Variants in ASTN1 observed in about 807,000 individuals in gnomAD.
The protein encoded by ASTN1 is astrotactin-1.
Under a neutral mutation model 140.7 loss-of-function variants are expected in ASTN1, and 41 were observed. The observed-to-expected ratio is 0.29, with a 90% CI of 0.23 to 0.38. The LOEUF is 0.38. Among genes scored for constraint, ASTN1 ranks in the 10% least tolerant of loss-of-function variants. The pLI is 1.00. For missense variants in ASTN1, 1,479 were observed against 1,678.8 expected (o/e 0.88, Z 2.08); for synonymous variants, 640 against 652.2 (o/e 0.98, Z 0.29).
rs368628468 is a variant in ASTN1, at chr1:176,946,048, T to C, written c.2127A>G (p.Gly709=). 6.2e-7 allele frequency: 1 copy of C among 1,613,910 alleles called. No homozygotes were observed. Among genetic ancestry groups the C allele is most frequent in the Non-Finnish European group, 8.5e-7 (1 of 1,179,980 alleles). The change falls in exon 13 of 23, where the codon GGA becomes GGG. Residue 709 remains glycine (G), a synonymous_variant. Transcript: ENST00000361833. ...CQLITETCPE[G]SDCGESRELP... ...GCTCCCTGCTTTCCCCACAGTCACTTCCCTCTGGACAGGTCTCCGTGATGA... is the reference window on the plus strand; with the variant it reads ...GCTCCCTGCTTTCCCCACAGTCACTCCCCTCTGGACAGGTCTCCGTGATGA...
rs774743981 is a variant in ASTN1 at position 177,030,876 on chromosome 1, G to T, written c.942C>A (p.Asn314Lys). 2 of 1,614,188 alleles carry T rather than the reference G, an allele frequency of 1.2e-6. No homozygotes were observed. Among genetic ancestry groups the T allele is most frequent in the Non-Finnish European group, 1.7e-6 (2 of 1,180,034 alleles). The change falls in exon 4 of 23, where the codon AAC becomes AAA. Residue 314 changes from asparagine to lysine, a missense_variant. Asn to Lys is a moderately conservative substitution (Grantham distance 94). Transcript: ENST00000361833. ...GAGAGAGAAGGGTGGCTTGCTGGTGGTTGGAGTCCACAGGGCTAGTGGCTA... is the reference window on the plus strand; with the variant it reads ...GAGAGAGAAGGGTGGCTTGCTGGTGTTTGGAGTCCACAGGGCTAGTGGCTA... ...NIIATSPVDSNHQQATLLSHT... is the reference protein window; with the variant it reads ...NIIATSPVDSKHQQATLLSHT...
intron 1 of ASTN1, among the ~76,000 whole-genome samples, chr1:177,147,785 G>A (rs1558129162): frequency 6.6e-6 from 1 of 152,288 alleles, no homozygotes; most frequent in East Asian, 1.9e-4. Context: ...TTGGTCCAAG[G>A]AAGAGTAGGC....
At chr1:176,935,689 A>C (rs1256349711) in intron 15 of ASTN1, among the ~76,000 whole-genome samples, 1 of 152,130 alleles carries the variant, frequency 6.6e-6, no homozygotes, top group Non-Finnish European at 1.5e-5. Context: ...AACCCTAAGT[A>C]AGTTTAGAAC....
At chr1:177,148,094 C>T (rs924706784) in intron 1 of ASTN1, among the ~76,000 whole-genome samples, 1 of 152,166 alleles carries the variant, frequency 6.6e-6, no homozygotes, top group Non-Finnish European at 1.5e-5. Context: ...TTATCATTTA[C>T]ATCACTTTTT....
rs182885038 is a variant in ASTN1, at chr1:177,145,133, C to T, written c.283+19261G>A. Reference sequence around the variant, plus strand: ...CTCAGATTCCTTTAACCTGCAACCTCAGAAAAATCAACTTTCAGCTCCGTT... The same window carrying T: ...CTCAGATTCCTTTAACCTGCAACCTTAGAAAAATCAACTTTCAGCTCCGTT... On this transcript the variant is annotated intron_variant, in intron 1 of 22. Transcript: ENST00000361833. Among the ~76,000 whole-genome samples the T allele has an allele frequency of 2.7e-3, 408 of 152,256 alleles. 1 individual carries two copies. Among genetic ancestry groups the T allele is most frequent in the African/African-American group, 9.4e-3 (392 of 41,554 alleles).
intron 1 of ASTN1, among the ~76,000 whole-genome samples, chr1:177,099,922 G>A (rs534274310): frequency 3.3e-5 from 5 of 152,224 alleles, no homozygotes; most frequent in South Asian, 2.1e-4. Flanking sequence ...TATCAAAACC[G>A]CTAAAAATTC....
chr1:176,864,541 G>T lies in ASTN1; in HGVS notation c.3648-20C>A. Reference sequence around the variant, plus strand: ...GCTTTCCTATGGATCAAGCACAGAGGATACTTAAGTTAGAAAGAAGAGAGG... The same window carrying T: ...GCTTTCCTATGGATCAAGCACAGAGTATACTTAAGTTAGAAAGAAGAGAGG... On this transcript the variant is annotated intron_variant, in intron 22 of 22. Coordinates refer to ENST00000361833, the MANE Select transcript of ASTN1 (RefSeq NM_004319.3). 1 of 1,609,936 alleles carries T rather than the reference G, an allele frequency of 6.2e-7. No homozygotes were observed. The highest frequency in any genetic ancestry group is 8.5e-7 in the Non-Finnish European group (1 of 1,176,764).
At chr1:176,874,897 A>T (rs1668498987) in intron 21 of ASTN1, among the ~76,000 whole-genome samples, 1 of 152,026 alleles carries the variant, frequency 6.6e-6, no homozygotes, top group Non-Finnish European at 1.5e-5. Flanking sequence ...TGAATTTGGG[A>T]TGTTGATTCC....
chr1:177,096,816 A>G (rs1430402879), intron 1 of ASTN1, among the ~76,000 whole-genome samples: 1 of 152,078 alleles, frequency 6.6e-6, no homozygotes, highest in Non-Finnish European at 1.5e-5. Context: ...TTTTCCTTAT[A>G]AATTACCCAG....
At chr1:176,936,110 G>T in intron 15 of ASTN1, 156 bp downstream of exon 15, 1 of 719,164 alleles carries the variant, frequency 1.4e-6, no homozygotes, top group Non-Finnish European at 2.5e-6. Context: ...CTAGCCATCT[G>T]CTCTTCTGGA....
chr1:177,032,910 C>A lies in ASTN1; in HGVS notation c.472-61G>T. ...TGGGTAGGCTCTTCCCACAAAGAGT[C>A]ACTGCTCCTTCTGCTACCACCATTC... is the stretch of plus-strand genomic sequence containing the variant. On this transcript the variant is annotated intron_variant, in intron 2 of 22. Coordinates refer to ENST00000361833, the MANE Select transcript of ASTN1 (RefSeq NM_004319.3). 3 of 1,484,774 alleles carry A rather than the reference C, an allele frequency of 2.0e-6. No homozygotes were observed. The South Asian group carries it at 3.9e-5, about 19-fold the overall frequency. The allele number at this position is 1,484,774 out of a possible 1,614,324, so 92.0% of individuals were successfully genotyped here. A position where few individuals can be genotyped will look rare whatever the true frequency, so the allele number is the denominator to read the frequency against.
intron 14 of ASTN1, among the ~76,000 whole-genome samples, chr1:176,941,835 C>T (rs192125589): frequency 5.8e-4 from 89 of 152,290 alleles, no homozygotes; most frequent in Admixed American, 1.4e-3. Flanking sequence ...CCACCTCGCA[C>T]GTCTTCAAGG....
At chr1:177,114,807 T>C (rs191539978) in intron 1 of ASTN1, among the ~76,000 whole-genome samples, 99 of 152,362 alleles carry the variant, frequency 6.5e-4, no homozygotes, top group African/African-American at 2.2e-3. Flanking sequence ...GTCCTAATTT[T>C]GGTGGCCACA....
chr1:176,926,039 C>T (rs1022991997), intron 16 of ASTN1, among the ~76,000 whole-genome samples: 1 of 152,074 alleles, frequency 6.6e-6, no homozygotes, highest in African/African-American at 2.4e-5. Context: ...GATCTTCTGA[C>T]CTCCTGATCT....
intron 3 of ASTN1, 34 bp from the exon 4 acceptor site, chr1:177,030,986 G>A (rs748540103): frequency 3.1e-6 from 5 of 1,592,238 alleles, no homozygotes; most frequent in Admixed American, 1.7e-5. Context: ...AAAACTTTAA[G>A]AGAAAAGACC....
intron 8 of ASTN1, among the ~76,000 whole-genome samples, chr1:176,970,245 G>C (rs574575628): frequency 1.3e-5 from 2 of 152,290 alleles, no homozygotes; most frequent in East Asian, 3.9e-4. Context: ...GCCTTGATTT[G>C]ACTTGATGCT....
chr1:177,155,586 C>A (rs950969419), intron 1 of ASTN1, among the ~76,000 whole-genome samples: 2 of 152,122 alleles, frequency 1.3e-5, no homozygotes, highest in African/African-American at 4.8e-5. Context: ...TATGGGCAAA[C>A]AATTCCAATA....
intron 2 of ASTN1, among the ~76,000 whole-genome samples, chr1:177,035,619 T>C (rs1179988097): frequency 2.6e-5 from 4 of 152,212 alleles, no homozygotes; most frequent in African/African-American, 9.7e-5. Flanking sequence ...GAGATACCAT[T>C]AGGCCTTCAA....
At position 176,888,154 on chromosome 1, in the gene ASTN1, A is replaced by T. The variant is rs1280279734; in HGVS notation, c.2991T>A (p.Asp997Glu). Reference protein sequence around the residue: ...MSSLWCSGTGDVIEDWCRCDS... With the variant: ...MSSLWCSGTGEVIEDWCRCDS... Reference sequence around the variant, plus strand: ...CACATCGACACCAGTCCTCGATGACATCTCCAGTCCCTGAGCACCAGAGAG... The same window carrying T: ...CACATCGACACCAGTCCTCGATGACTTCTCCAGTCCCTGAGCACCAGAGAG... Residue 997 changes from aspartate to glutamate, a missense_variant, in exon 18 of 23, where the codon GAT (aspartate) becomes GAA (glutamate). Asp to Glu is a conservative substitution (Grantham distance 45). Transcript: ENST00000361833. 4.3e-6 allele frequency: 7 copies of T among 1,614,164 alleles called. No individual in the cohort carries two copies. Among genetic ancestry groups the T allele is most frequent in the Non-Finnish European group, 5.9e-6 (7 of 1,180,008 alleles).
Sources: gnomAD v4.1 joint callset for allele counts (sites outside exome capture counted in the v4.1 genomes callset) on GRCh38, gnomAD v4.1.1 for gene constraint, MANE v1.5 for transcripts, NCBI Gene and HGNC (gene_info 2026-07-23, HGNC 2026-07-21) for gene names.